AIM2: variants seen among roughly 807,000 people sequenced by gnomAD.
AIM2 encodes the protein interferon-inducible protein AIM2.
Under a neutral mutation model 27.7 loss-of-function variants are expected in AIM2, and 30 were observed. That is an observed-to-expected ratio of 1.08 (90% CI 0.81 to 1.47). AIM2 has a LOEUF of 1.47. Among genes scored for constraint, AIM2 ranks in the 40% most tolerant of loss-of-function variants. AIM2 has a pLI of 0.00. For missense variants in AIM2, 358 were observed against 411.3 expected (o/e 0.87, Z 1.12); for synonymous variants, 141 against 145.3 (o/e 0.97, Z 0.21).
intron 1 of AIM2, among the ~76,000 whole-genome samples, chr1:159,136,458 A>G (rs1012566762): frequency 1.3e-5 from 2 of 152,212 alleles, no homozygotes; most frequent in Non-Finnish European, 2.9e-5. Flanking sequence ...TCATACAAGT[A>G]AATAGCGAGA....
At chr1:159,109,562 G>C (rs1456098720) in intron 1 of AIM2, among the ~76,000 whole-genome samples, 2 of 152,152 alleles carry the variant, frequency 1.3e-5, no homozygotes, top group Non-Finnish European at 1.5e-5. Context: ...CAATAGGTGG[G>C]ATTTAATTAA....
At chr1:159,092,740 G>A (rs1048811753) in intron 1 of AIM2, among the ~76,000 whole-genome samples, 1 of 152,122 alleles carries the variant, frequency 6.6e-6, no homozygotes, top group Non-Finnish European at 1.5e-5. Flanking sequence ...TTTGATCCCA[G>A]GGGCTGGACA....
At chr1:159,115,789 A>G (rs1322191171) in intron 1 of AIM2, among the ~76,000 whole-genome samples, 1 of 152,224 alleles carries the variant, frequency 6.6e-6, no homozygotes, top group African/African-American at 2.4e-5. Context: ...TTTCATGTCT[A>G]AAACACCAAA....
upstream of AIM2, chr1:159,081,031 C>G (rs1260597141): frequency 6.1e-6 from 1 of 162,690 alleles, no homozygotes; most frequent in Non-Finnish European, 1.4e-5. Flanking sequence ...TGCATCTTCT[C>G]TACAGAAAAT....
chr1:159,138,310 G>A (rs893262189), intron 1 of AIM2, among the ~76,000 whole-genome samples: 1 of 152,098 alleles, frequency 6.6e-6, no homozygotes, highest in African/African-American at 2.4e-5. Context: ...CCACATCAGA[G>A]TCTCTGCTCT....
chr1:159,094,938 C>A lies in AIM2; in HGVS notation c.-15-28609G>T, dbSNP rs192337077. Among the ~76,000 whole-genome samples, 25 of 151,936 alleles carry A rather than the reference C, an allele frequency of 1.6e-4. No homozygotes were observed. In the East Asian group the frequency reaches 4.8e-3, roughly 29 times the overall value. ...AAAGGTAAAAAAAAACCCTGAATAT[C>A]AAAAAAATTATTATTTCTTTTATTA... On this transcript the variant is annotated intron_variant, in intron 1 of 2. Coordinates refer to the AIM2 transcript ENST00000368129.
intron 1 of AIM2, among the ~76,000 whole-genome samples, chr1:159,086,941 T>C (rs1656927303): frequency 6.6e-6 from 1 of 152,218 alleles, no homozygotes; most frequent in Admixed American, 6.5e-5. Flanking sequence ...TTCAGTGAAG[T>C]GTAAACTCCT....
chr1:159,114,470 C>T (rs138944596), intron 1 of AIM2, among the ~76,000 whole-genome samples: 146 of 152,202 alleles, frequency 9.6e-4, no homozygotes, highest in African/African-American at 3.2e-3. Context: ...CTTGTAATCC[C>T]AACACTTTGG....
downstream of AIM2, among the ~76,000 whole-genome samples, chr1:159,062,300 C>T (rs148938939): frequency 9.2e-3 from 1,403 of 152,282 alleles, 18 homozygotes; most frequent in Non-Finnish European, 0.01. Context: ...AATAATACTG[C>T]GCTGCTTCAC....
chr1:159,144,017 T>C (rs1203961420), upstream of AIM2, among the ~76,000 whole-genome samples: 1 of 152,222 alleles, frequency 6.6e-6, no homozygotes, highest in Non-Finnish European at 1.5e-5. Flanking sequence ...TAGGAAGTTG[T>C]ATAACTTACT....
intron 1 of AIM2, chr1:159,123,557 T>G (rs1647600776): frequency 6.6e-6 from 1 of 152,246 alleles, no homozygotes; most frequent in Admixed American, 6.5e-5. Context: ...TCTTCATCTG[T>G]AAATGTTTCC....
intron 1 of AIM2, among the ~76,000 whole-genome samples, chr1:159,083,303 A>G (rs1487825906): frequency 6.6e-6 from 1 of 152,218 alleles, no homozygotes; most frequent in Non-Finnish European, 1.5e-5. Flanking sequence ...GAGGTGTAAG[A>G]AAAGTAAATT....
upstream of AIM2, among the ~76,000 whole-genome samples, chr1:159,143,143 A>G (rs1024188561): frequency 1.3e-5 from 2 of 152,166 alleles, no homozygotes; most frequent in African/African-American, 4.8e-5. Flanking sequence ...GGGCTTTCCG[A>G]CTCTAAGAAT....
At chr1:159,117,379 C>T (rs750625536) in intron 1 of AIM2, among the ~76,000 whole-genome samples, 3 of 152,100 alleles carry the variant, frequency 2.0e-5, no homozygotes, top group Non-Finnish European at 2.9e-5. Context: ...AAGAAAAACA[C>T]CTCCTGAGAC....
chr1:159,145,508 CCAAGGAAAGACAAATACGGAG>C (rs1346384535), intron 1 of AIM2, among the ~76,000 whole-genome samples: 2 of 152,094 alleles, frequency 1.3e-5, no homozygotes, highest in Non-Finnish European at 2.9e-5. Flanking sequence ...GAGAATCAAG[CCAAGGAAAGACAAATACGGAG>C]CAAATTATCC....
intron 1 of AIM2, among the ~76,000 whole-genome samples, chr1:159,136,958 TGCTTCTAAAGGCTTTGG>T (rs1340714243): frequency 6.6e-6 from 1 of 152,226 alleles, no homozygotes. Context: ...CACAGCTTGC[TGCTTCTAAAGGCTTTGG>T]GCCCAGGAGA....
upstream of AIM2, among the ~76,000 whole-genome samples, chr1:159,143,849 T>C (rs1402672410): frequency 2.0e-5 from 3 of 152,304 alleles, no homozygotes; most frequent in East Asian, 5.8e-4. Context: ...GGCATGGTTC[T>C]ACTCTCGAGA....
In AIM2 at chr1:159,104,960, C is replaced by T. The variant is rs1158442210; in HGVS notation, c.-16+35471G>A. On this transcript the variant is annotated intron_variant, in intron 1 of 2. Coordinates refer to the AIM2 transcript ENST00000368129. ...ACAGGATGTTTCAGGGGTTGTTTCA[C>T]CAGCCGGAAACCCCTGTGTCCAGTG... Among the ~76,000 whole-genome samples the T allele has an allele frequency of 4.6e-5, 7 of 152,166 alleles. No individual in the cohort carries two copies. The East Asian group carries it at 1.3e-3, about 29-fold the overall frequency.
intron 1 of AIM2, among the ~76,000 whole-genome samples, chr1:159,131,246 A>G (rs1235832965): frequency 3.3e-5 from 5 of 152,186 alleles, no homozygotes; most frequent in Admixed American, 6.5e-5. Flanking sequence ...TAAAGACTGG[A>G]TGAGTAGATG....
Sources: allele counts gnomAD v4.1 joint callset (sites outside exome capture counted in the v4.1 genomes callset), GRCh38; gene constraint gnomAD v4.1.1; transcripts MANE v1.5; gene names NCBI Gene and HGNC (gene_info 2026-07-23, HGNC 2026-07-21).